The following MUC5B variants were observed in gnomAD, a reference collection of about 807,000 sequenced individuals.
The protein encoded by MUC5B is mucin-5B.
In MUC5B, 116 loss-of-function variants were observed where a neutral mutation model predicts 376.9. The ratio of observed to expected loss-of-function variants is 0.31; its 90% CI spans 0.26 to 0.36. The LOEUF (loss-of-function observed/expected upper bound fraction) is 0.36. Ranked by LOEUF, MUC5B falls within the 10% of genes least tolerant of loss-of-function variation. The pLI is 1.00. For missense variants in MUC5B, 7,165 were observed against 7,769.9 expected (o/e 0.92, Z 2.93); for synonymous variants, 3,517 against 3,390.9 (o/e 1.04, Z -1.29).
Position 1,226,343 on chromosome 11 carries a change from A to T in MUC5B, c.199+67A>T, listed in dbSNP as rs773168225. 5 of 1,520,822 alleles carry T rather than the reference A, an allele frequency of 3.3e-6. No homozygotes were observed. The East Asian group carries it at 1.2e-4, about 37-fold the overall frequency. 94.2% of individuals were successfully genotyped at this position (1,520,822 alleles called of 1,614,324 possible). Reference sequence around the variant, plus strand: ...GCCAGTCCCAAAGGTGGGGGCCCAGATCTAGGGGTGCAGCTGCCACCAGGT... The same window carrying T: ...GCCAGTCCCAAAGGTGGGGGCCCAGTTCTAGGGGTGCAGCTGCCACCAGGT... On this transcript the variant is annotated intron_variant, in intron 3 of 48. Transcript: ENST00000529681.
intron 31 of MUC5B, among the ~76,000 whole-genome samples, chr11:1,251,968 T>G (rs1281091827): frequency 9.3e-6 from 1 of 107,250 alleles, no homozygotes; most frequent in East Asian, 2.8e-4. Flanking sequence ...TGGCCACACT[T>G]GGTCCCCACT....
chr11:1,232,415 C>T (rs1173233990), intron 15 of MUC5B, 35 bp from the exon 16 acceptor site: 1 of 1,562,664 alleles, frequency 6.4e-7, no homozygotes, highest in African/African-American at 1.4e-5. Flanking sequence ...GGCTTCGGGG[C>T]AGGGCGTGGA....
At position 1,258,722 on chromosome 11, in the gene MUC5B, C is replaced by T. The variant is rs1346006956; in HGVS notation, c.16594-220C>T. Among the ~76,000 whole-genome samples the T allele has an allele frequency of 1.3e-5, 2 of 152,076 alleles. No homozygotes were observed. Among genetic ancestry groups the T allele is most frequent in the Non-Finnish European group, 2.9e-5 (2 of 67,988 alleles). ...CATGGGGTCTCTGCCCACCCAGATT[C>T]CTGCCCACATGGGGTCTCTGCCTGC... On this transcript the variant is annotated intron_variant, in intron 43 of 48. Coordinates refer to ENST00000529681, the MANE Select transcript of MUC5B (RefSeq NM_002458.3). This position sits in a 1 kb window ranked among gnomAD's most constrained non-coding sequence, Gnocchi z 5.5.
Position 1,246,252 on chromosome 11 carries a change from C to A in MUC5B, c.9372C>A (p.Thr3124=). 3 of 1,611,500 alleles carry A rather than the reference C, an allele frequency of 1.9e-6. No individual in the cohort carries two copies. The highest frequency in any genetic ancestry group is 1.1e-5 in the South Asian group (1 of 90,942). Reference sequence around the variant, plus strand: ...CAAGGGCCACCAGTTCCATGTCCACCCCCTCCTCCACTCCGGGGACGACCT... The same window carrying A: ...CAAGGGCCACCAGTTCCATGTCCACACCCTCCTCCACTCCGGGGACGACCT... ...TTTRATSSMS[T]PSSTPGTTWI... is the part of the protein sequence containing the mutation. The change falls in exon 31 of 49, where the codon ACC becomes ACA. Residue 3124 remains threonine, a synonymous_variant. Coordinates refer to ENST00000529681, the MANE Select transcript of MUC5B (RefSeq NM_002458.3).
rs747235669 is a variant in MUC5B, at chr11:1,241,905, G to A, written c.5025G>A (p.Thr1675=). 1.9e-5 allele frequency: 31 copies of A among 1,610,532 alleles called. No individual in the cohort carries two copies. Among genetic ancestry groups the A allele is most frequent in the South Asian group, 5.5e-5 (5 of 90,474 alleles). ...GTACAGCCACCACGGGAGGCCCCAC[G>A]ACGCCTGCAGGCTCCACAGAACCCA... ...TLGTATTGGP[T]TPAGSTEPTV... The change falls in exon 31 of 49, where the codon ACG becomes ACA. Residue 1675 remains threonine, a synonymous_variant. Transcript: ENST00000529681.
chr11:1,239,635 G>A lies in MUC5B; in HGVS notation c.3583+69G>A, dbSNP rs1365052988. ...TCCCGAGTGTACGTGGGGGGGCGGGGATCCCCAGGGACGCGGTGTAGGCTC... is the reference window on the plus strand; with the variant it reads ...TCCCGAGTGTACGTGGGGGGGCGGGAATCCCCAGGGACGCGGTGTAGGCTC... On this transcript the variant is annotated intron_variant, in intron 27 of 48. Transcript: ENST00000529681. 6 of 1,514,844 alleles carry A rather than the reference G, an allele frequency of 4.0e-6. No individual in the cohort carries two copies. The East Asian group carries it at 9.1e-5, about 23-fold the overall frequency. The allele number at this position is 1,514,844 out of a possible 1,614,324, so 93.8% of individuals were successfully genotyped here.
intron 9 of MUC5B, 35 bp from the exon 10 acceptor site, chr11:1,229,655 C>T: frequency 6.6e-7 from 1 of 1,510,082 alleles, no homozygotes; most frequent in Non-Finnish European, 8.9e-7. Context: ...GTCCCCCGTG[C>T]ATGGGCCGGC....
Position 1,234,711 on chromosome 11 carries a change from TGGGGAGGGCGGGGGC to T in MUC5B, c.2630+41_2630+55del. On this transcript the variant is annotated intron_variant, in intron 21 of 48. Transcript: ENST00000529681. This position sits in a 1 kb window ranked among gnomAD's most constrained non-coding sequence, Gnocchi z 6.3. ...TCGTGAGTCTCTCGGAGGCAGCAGGTGGGGAGGGCGGGGGCGGGGAGGGCAGCGGGTGGGGAGGCA... is the reference window on the plus strand; with the variant it reads ...TCGTGAGTCTCTCGGAGGCAGCAGGTGGGGAGGGCAGCGGGTGGGGAGGCA... The T allele has an allele frequency of 6.7e-5, 12 of 179,514 alleles. No homozygotes were observed. Among genetic ancestry groups the T allele is most frequent in the South Asian group, 3.1e-4 (2 of 6,514 alleles). 11.1% of individuals were successfully genotyped at this position (179,514 alleles called of 1,614,324 possible).
chr11:1,248,182 A>T lies in MUC5B; in HGVS notation c.11302A>T (p.Thr3768Ser). 6.3e-7 allele frequency: 1 copy of T among 1,591,910 alleles called. No homozygotes were observed. The highest frequency in any genetic ancestry group is 1.4e-5 in the African/African-American group (1 of 72,930). Reference protein sequence around the residue: ...TTPTVTSSKATPFSSPGTATA... With the variant: ...TTPTVTSSKASPFSSPGTATA... ...ACCCACAGTCACCAGCTCCAAAGCC[A>T]CTCCCTTCTCCAGTCCAGGGACTGC... is the stretch of plus-strand genomic sequence containing the variant. The change falls in exon 31 of 49, where the codon ACT becomes TCT. Residue 3768 changes from threonine to serine, a missense_variant. Thr to Ser is a moderately conservative substitution (Grantham distance 58). Coordinates refer to ENST00000529681, the MANE Select transcript of MUC5B (RefSeq NM_002458.3).
rs879471005 is a variant in MUC5B at position 1,242,817 on chromosome 11, C to A, written c.5937C>A (p.Ser1979Arg). Residue 1979 changes from serine (S) to arginine (R), a missense_variant, in exon 31 of 49, where the codon AGC (serine) becomes AGA (arginine). By Grantham distance (110) the Ser-to-Arg change is moderately radical (BLOSUM62 -1). Around this residue, in one of 31 missense-constraint regions of MUC5B, gnomAD observed 897 missense variants for 779.6 expected, o/e 1.15. Coordinates refer to ENST00000529681, the MANE Select transcript of MUC5B (RefSeq NM_002458.3). ...RSTATTPTATSVTPIPSSSLG... is the reference protein window; with the variant it reads ...RSTATTPTATRVTPIPSSSLG... ...CAGCCACCACACCCACAGCTACCAGCGTTACACCCATCCCCTCTTCCTCCC... is the reference window on the plus strand; with the variant it reads ...CAGCCACCACACCCACAGCTACCAGAGTTACACCCATCCCCTCTTCCTCCC... 3.7e-6 allele frequency: 6 copies of A among 1,613,410 alleles called. No individual in the cohort carries two copies. Among genetic ancestry groups the A allele is most frequent in the Non-Finnish European group, 5.1e-6 (6 of 1,179,668 alleles).
intron 2 of MUC5B, 120 bp downstream of exon 2, chr11:1,225,857 TC>T: frequency 2.1e-6 from 2 of 975,322 alleles, no homozygotes; most frequent in Middle Eastern, 3.0e-4. Flanking sequence ...CCTCCCTGGG[TC>T]CCCTGCCCAG....
intron 1 of MUC5B, among the ~76,000 whole-genome samples, chr11:1,224,195 C>A (rs1389647724): frequency 1.3e-5 from 2 of 152,256 alleles, no homozygotes; most frequent in African/African-American, 4.8e-5. Flanking sequence ...CTCAGCCCAC[C>A]CGTCCTCCTG....
intron 38 of MUC5B, 50 bp downstream of exon 38, chr11:1,256,275 C>A (rs748143621): frequency 9.8e-6 from 7 of 713,942 alleles, no homozygotes; most frequent in Non-Finnish European, 1.8e-5. Context: ...GCCTGCCTGA[C>A]CGGTCTGGGG....
chr11:1,252,089 AGTCCCCACTGGCCACACTCG>A (rs1862717000), intron 31 of MUC5B, among the ~76,000 whole-genome samples: 3 of 139,774 alleles, frequency 2.1e-5, no homozygotes, highest in African/African-American at 8.2e-5. Flanking sequence ...GGCCACAATC[AGTCCCCACTGGCCACACTCG>A]GTCCCCACTG....
rs1040558884 is a variant in MUC5B at position 1,242,534 on chromosome 11, G to A, written c.5654G>A (p.Cys1885Tyr). The A allele has an allele frequency of 6.2e-6, 10 of 1,613,642 alleles. No individual in the cohort carries two copies. The African/African-American group carries it at 1.2e-4, about 19-fold the overall frequency. Reference protein sequence around the residue: ...RVLCCDDYSHCPSTPATSSTA... With the variant: ...RVLCCDDYSHYPSTPATSSTA... Reference sequence around the variant, plus strand: ...CTTTGCTGTGACGACTACAGCCACTGCCCCAGTACCCCAGCCACCAGCTCC... The same window carrying A: ...CTTTGCTGTGACGACTACAGCCACTACCCCAGTACCCCAGCCACCAGCTCC... Residue 1885 changes from cysteine to tyrosine, a missense_variant, in exon 31 of 49, where the codon TGC (cysteine) becomes TAC (tyrosine). Around this residue, in one of 31 missense-constraint regions of MUC5B, gnomAD observed 897 missense variants for 779.6 expected, o/e 1.15. Transcript: ENST00000529681.
chr11:1,234,200 C>T lies in MUC5B; in HGVS notation c.2378-5C>T. On this transcript the variant is annotated splice_polypyrimidine_tract_variant and splice_region_variant and intron_variant, in intron 19 of 48. Coordinates refer to ENST00000529681, the MANE Select transcript of MUC5B (RefSeq NM_002458.3). This position sits in a 1 kb window ranked among gnomAD's most constrained non-coding sequence, Gnocchi z 6.3. Reference sequence around the variant, plus strand: ...AGGACCCCTCCCACCAAGCTCTGTCCCCAGGGTGTGCAGCCCCCATGGTGT... The same window carrying T: ...AGGACCCCTCCCACCAAGCTCTGTCTCCAGGGTGTGCAGCCCCCATGGTGT... 3 of 1,596,100 alleles carry T rather than the reference C, an allele frequency of 1.9e-6. No homozygotes were observed. Among genetic ancestry groups the T allele is most frequent in the African/African-American group, 1.3e-5 (1 of 74,734 alleles).
Position 1,230,039 on chromosome 11 carries a change from C to A in MUC5B, c.1255C>A (p.Leu419Met), listed in dbSNP as rs747986838. The A allele has an allele frequency of 2.5e-6, 4 of 1,608,796 alleles. No homozygotes were observed. The highest frequency in any genetic ancestry group is 2.2e-5 in the East Asian group (1 of 44,818). ...CGGGGGGCTATGGCAGTGCCAGGAC[C>A]TGCCGTGCCCTGGCACCTGCTCTGT... ...CSGGLWQCQD[L>M]PCPGTCSVQG... is the part of the protein sequence containing the mutation. The change falls in exon 11 of 49, where the codon CTG (leucine) becomes ATG (methionine). Residue 419 changes from leucine (L) to methionine (M), a missense_variant. Physicochemically the swap from Leu to Met is conservative, Grantham distance 15. Coordinates refer to ENST00000529681, the MANE Select transcript of MUC5B (RefSeq NM_002458.3).
chr11:1,233,803 G>A lies in MUC5B; in HGVS notation c.2332G>A (p.Gly778Ser), dbSNP rs1189312281. 1 of 1,605,666 alleles carries A rather than the reference G, an allele frequency of 6.2e-7. No homozygotes were observed. Among genetic ancestry groups the A allele is most frequent in the Admixed American group, 1.7e-5 (1 of 59,188 alleles). ...HDEGAVCSCT[G>S]GKLSCLGASL... ...GTCTGTCTCTTGTAGTTCATGTACG[G>A]GTGGGAAGCTAAGCTGCCTGGGAGC... The change falls in exon 19 of 49, where the codon GGT becomes AGT. Residue 778 changes from glycine to serine, a missense_variant. Gly to Ser is a moderately conservative substitution (Grantham distance 56). Around this residue, in one of 31 missense-constraint regions of MUC5B, gnomAD observed 530 missense variants for 604.0 expected, o/e 0.88. Coordinates refer to ENST00000529681, the MANE Select transcript of MUC5B (RefSeq NM_002458.3).
In MUC5B at chr11:1,248,594, C is replaced by T; in HGVS notation, c.11714C>T (p.Thr3905Ile). 1.2e-6 allele frequency: 2 copies of T among 1,613,046 alleles called. No individual in the cohort carries two copies. Among genetic ancestry groups the T allele is most frequent in the Non-Finnish European group, 1.7e-6 (2 of 1,179,486 alleles). ...TTPTTSGSTV[T>I]PSSVPGTTHT... ...CCCACAACCAGTGGCTCCACGGTGA[C>T]CCCCTCCTCCGTCCCGGGGACCACC... The change falls in exon 31 of 49, where the codon ACC becomes ATC. Residue 3905 changes from threonine (T) to isoleucine (I), a missense_variant. Around this residue, in one of 31 missense-constraint regions of MUC5B, gnomAD observed 242 missense variants for 199.0 expected, o/e 1.22. Coordinates refer to ENST00000529681, the MANE Select transcript of MUC5B (RefSeq NM_002458.3).
Sources: gnomAD v4.1 joint callset for allele counts (sites outside exome capture counted in the v4.1 genomes callset) on GRCh38, gnomAD v4.1.1 for gene constraint, gnomAD v4.1.1 regional missense constraint, Gnocchi (gnomAD v3.1) non-coding constraint, MANE v1.5 for transcripts, NCBI Gene and HGNC (gene_info 2026-07-23, HGNC 2026-07-21) for gene names.